The following HEATR4 variants were observed in gnomAD, a reference collection of about 807,000 sequenced individuals.
The protein encoded by HEATR4 is HEAT repeat-containing protein 4.
HEATR4 carries 95 observed loss-of-function variants against 108.8 expected under a neutral mutation model. The observed-to-expected ratio is 0.87, with a 90% confidence interval of 0.74 to 1.04. HEATR4 has a LOEUF of 1.04. Ranked by LOEUF, HEATR4 falls within the 50% of genes least tolerant of loss-of-function variation. The probability of loss-of-function intolerance (pLI) is 0.00; values close to 1 mark genes in which losing one functional copy is unlikely to be tolerated. For synonymous variants in HEATR4, 443 were observed against 459.4 expected (o/e 0.96, Z 0.46); for missense variants, 1,152 against 1,253.8 (o/e 0.92, Z 1.23).
chr14:73,547,688 C>A (rs1367195834), intron 1 of HEATR4, among the ~76,000 whole-genome samples: 1 of 114,780 alleles, frequency 8.7e-6, no homozygotes, highest in Non-Finnish European at 1.9e-5. Flanking sequence ...AGTTCGAGAG[C>A]AGCCTAGCCA....
the HEATR4 span, among the ~76,000 whole-genome samples, chr14:73,576,477 A>C: frequency 6.6e-6 from 1 of 152,002 alleles, no homozygotes; most frequent in Non-Finnish European, 1.5e-5. Flanking sequence ...GAATTACATA[A>C]GTGATTTTAA....
At chr14:73,587,170 G>A in the HEATR4 span, among the ~76,000 whole-genome samples, 1 of 150,946 alleles carries the variant, frequency 6.6e-6, no homozygotes, top group South Asian at 2.1e-4. Flanking sequence ...GATTTCTTCA[G>A]CCCCACGAAC....
At chr14:73,497,480 G>T (rs562266313) in intron 14 of HEATR4, among the ~76,000 whole-genome samples, 158 of 152,266 alleles carry the variant, frequency 1.0e-3, no homozygotes, top group Non-Finnish European at 2.0e-3. Context: ...AAAAAAATGG[G>T]CTCACAGAGT....
the HEATR4 span, among the ~76,000 whole-genome samples, chr14:73,631,236 C>T: frequency 7.2e-4 from 109 of 152,260 alleles, no homozygotes; most frequent in African/African-American, 2.5e-3. Context: ...GGTTAATTCA[C>T]CTCATTTTAC....
At chr14:73,585,500 C>T in the HEATR4 span, among the ~76,000 whole-genome samples, 4 of 152,068 alleles carry the variant, frequency 2.6e-5, no homozygotes, top group African/African-American at 9.7e-5. Context: ...GCCTGGGCAA[C>T]ATGGTGAGAC....
chr14:73,559,804 GT>G (rs1889485816), upstream of HEATR4, among the ~76,000 whole-genome samples: 1 of 152,014 alleles, frequency 6.6e-6, no homozygotes, highest in Non-Finnish European at 1.5e-5. Context: ...CACCACAAGG[GT>G]TTATAAATCC....
At position 73,548,531 on chromosome 14, in the gene HEATR4, A is replaced by G. The variant is rs1342128018; in HGVS notation, c.-152+10220T>C. ...TCCCTGAAGCTGAAGGAAATATATGACCAGGTAATGGTGTGTACTTAACAA... is the reference window on the plus strand; with the variant it reads ...TCCCTGAAGCTGAAGGAAATATATGGCCAGGTAATGGTGTGTACTTAACAA... On this transcript the variant is annotated intron_variant, in intron 1 of 17. Coordinates refer to ENST00000553558, the MANE Select transcript of HEATR4 (RefSeq NM_001220484.1). Among the ~76,000 whole-genome samples the G allele has an allele frequency of 1.7e-5, 2 of 115,504 alleles. 1 individual carries two copies. Among genetic ancestry groups the G allele is most frequent in the African/African-American group, 5.6e-5 (2 of 35,572 alleles). 75.8% of individuals were successfully genotyped at this position (115,504 alleles called of 152,430 possible).
Position 73,525,119 on chromosome 14 carries a change from T to G in HEATR4, c.-72-1895A>C, listed in dbSNP as rs1036849022. 5.3e-5 allele frequency among the ~76,000 whole-genome samples: 8 copies of G among 152,120 alleles called. No individual in the cohort carries two copies. In the East Asian group the frequency reaches 1.5e-3, roughly 29 times the overall value. ...ATCATAGCTCACTGCAGCCTCAACC[T>G]CCTGGGCCCAAGTAATCCTCCTACT... On this transcript the variant is annotated intron_variant, in intron 2 of 17. Transcript: ENST00000553558.
chr14:73,569,606 G>A, the HEATR4 span: 3 of 1,600,796 alleles, frequency 1.9e-6, no homozygotes, highest in African/African-American at 4.0e-5. Flanking sequence ...TTGGCGAGCT[G>A]GACCTGGAGC....
At chr14:73,521,987 T>A (rs1031171528) in intron 3 of HEATR4, among the ~76,000 whole-genome samples, 1 of 152,206 alleles carries the variant, frequency 6.6e-6, no homozygotes, top group African/African-American at 2.4e-5. Context: ...CATCTTTGGT[T>A]TTCACAGCTA....
the HEATR4 span, chr14:73,617,084 T>C: frequency 9.2e-5 from 140 of 1,525,686 alleles, no homozygotes; most frequent in Middle Eastern, 1.7e-3. Flanking sequence ...ATGGTTTTGC[T>C]GTGCTTGCCC....
chr14:73,608,511 G>A, the HEATR4 span, among the ~76,000 whole-genome samples: 2 of 152,150 alleles, frequency 1.3e-5, no homozygotes, highest in African/African-American at 2.4e-5. Context: ...TTTGGTGAAA[G>A]CCATTTAATG....
chr14:73,606,657 G>A, the HEATR4 span, among the ~76,000 whole-genome samples: 170 of 152,212 alleles, frequency 1.1e-3, 1 homozygote, highest in African/African-American at 3.6e-3. Flanking sequence ...TAACCTCCCA[G>A]GTGCACAGAG....
chr14:73,509,251 A>AGTGTCCTTTCACTGGGATATCACATCTC, intron 8 of HEATR4, 61 bp downstream of exon 8: 1 of 1,498,050 alleles, frequency 6.7e-7, no homozygotes, highest in African/African-American at 1.4e-5. Flanking sequence ...AGGACTGGGA[A>AGTGTCCTTTCACTGGGATATCACATCTC]AGCTGATAGT....
chr14:73,491,531 G>T, intron 17 of HEATR4: 1 of 1,527,312 alleles, frequency 6.5e-7, no homozygotes, highest in Non-Finnish European at 8.8e-7. Context: ...GGGGCCGCAG[G>T]TGGATAACAC....
chr14:73,580,651 G>A, the HEATR4 span: 3 of 152,176 alleles, frequency 2.0e-5, no homozygotes, highest in African/African-American at 7.2e-5. Flanking sequence ...TCTGGTGAAG[G>A]AGCCAGTGCC....
At chr14:73,523,589 T>C (rs1888109044) in intron 2 of HEATR4, among the ~76,000 whole-genome samples, 2 of 152,242 alleles carry the variant, frequency 1.3e-5, no homozygotes, top group South Asian at 2.1e-4. Flanking sequence ...TCCATGAGTT[T>C]GGCCTCAGTT....
chr14:73,543,228 A>T, intron 1 of HEATR4: 1 of 1,602,818 alleles, frequency 6.2e-7, no homozygotes, highest in Non-Finnish European at 8.5e-7. Context: ...GTCAACAGAA[A>T]TCGCATCAAG....
chr14:73,585,468 T>C, the HEATR4 span, among the ~76,000 whole-genome samples: 4 of 152,186 alleles, frequency 2.6e-5, no homozygotes, highest in South Asian at 4.2e-4. Context: ...GCGGATTACC[T>C]GGGCTAAGGA....
Sources: allele counts gnomAD v4.1 joint callset (sites outside exome capture counted in the v4.1 genomes callset), GRCh38; gene constraint gnomAD v4.1.1; transcripts MANE v1.5; gene names NCBI Gene and HGNC (gene_info 2026-07-23, HGNC 2026-07-21).